The following HS3ST4 variants were observed in gnomAD, a reference collection of about 807,000 sequenced individuals.
HS3ST4 encodes the protein heparan sulfate glucosamine 3-O-sulfotransferase 4.
Under a neutral mutation model 29.2 loss-of-function variants are expected in HS3ST4, and 17 were observed. That is an observed-to-expected ratio of 0.58 (90% CI 0.40 to 0.87). The LOEUF (loss-of-function observed/expected upper bound fraction) is 0.87. Ranked by LOEUF, HS3ST4 falls within the 40% of genes least tolerant of loss-of-function variation. The pLI, the probability that HS3ST4 is intolerant of heterozygous loss-of-function variation, is 0.00. For missense variants in HS3ST4, 627 were observed against 634.5 expected (o/e 0.99, Z 0.13); for synonymous variants, 314 against 285.7 (o/e 1.10, Z -1.00).
chr16:25,962,742 T>C (rs904888544), intron 1 of HS3ST4, among the ~76,000 whole-genome samples: 2 of 152,150 alleles, frequency 1.3e-5, no homozygotes, highest in Admixed American at 6.5e-5. Context: ...TTACACACTT[T>C]ATTCTGTTCC....
At chr16:26,031,142 A>G (rs72778367) in intron 1 of HS3ST4, among the ~76,000 whole-genome samples, 6,771 of 152,272 alleles carry the variant, frequency 0.044, 168 homozygotes, top group Middle Eastern at 0.15. Context: ...GTCCAGCCAA[A>G]CCAGTCCCAT....
At chr16:25,961,315 G>A (rs1457871504) in intron 1 of HS3ST4, among the ~76,000 whole-genome samples, 1 of 152,162 alleles carries the variant, frequency 6.6e-6, no homozygotes, top group East Asian at 1.9e-4. Context: ...TCTTCCCCAG[G>A]CTAACCATGA....
chr16:25,831,828 G>A (rs1175342673), intron 1 of HS3ST4, among the ~76,000 whole-genome samples: 2 of 151,986 alleles, frequency 1.3e-5, no homozygotes, highest in Admixed American at 6.6e-5. Flanking sequence ...CACATAGGCT[G>A]GGCACAGTCA....
At chr16:25,717,465 A>AGTGGCATTT (rs1966461853) in intron 1 of HS3ST4, among the ~76,000 whole-genome samples, 1 of 151,242 alleles carries the variant, frequency 6.6e-6, no homozygotes, top group African/African-American at 2.4e-5. Flanking sequence ...CCTCTGAATA[A>AGTGGCATTT]GTGGCATTTG....
chr16:25,940,924 T>C (rs56099922), intron 1 of HS3ST4, among the ~76,000 whole-genome samples: 12,129 of 152,270 alleles, frequency 0.08, 525 homozygotes, highest in South Asian at 0.14. Context: ...GTTTTCTTTC[T>C]GTTTCTTGAG....
chr16:25,713,559 A>AACAT (rs1416217003), intron 1 of HS3ST4, among the ~76,000 whole-genome samples: 11 of 132,436 alleles, frequency 8.3e-5, no homozygotes, highest in African/African-American at 3.0e-4. Context: ...CAAACAAACA[A>AACAT]ACATCCTGTC....
intron 1 of HS3ST4, among the ~76,000 whole-genome samples, chr16:25,896,852 C>A (rs1341341011): frequency 6.6e-6 from 1 of 152,158 alleles, no homozygotes; most frequent in Non-Finnish European, 1.5e-5. Flanking sequence ...TTTGCAGCAA[C>A]AGGGATGCAG....
intron 1 of HS3ST4, among the ~76,000 whole-genome samples, chr16:26,120,681 A>G (rs13330555): frequency 0.03 from 4,565 of 152,294 alleles, 217 homozygotes; most frequent in African/African-American, 0.1. Context: ...GTGTTTTACA[A>G]GTTTCTGCAG....
chr16:25,865,068 A>G (rs568074481), intron 1 of HS3ST4, among the ~76,000 whole-genome samples: 19 of 152,080 alleles, frequency 1.2e-4, no homozygotes, highest in Non-Finnish European at 2.4e-4. Flanking sequence ...ACTTAGGCTG[A>G]TTTCATATCT....
intron 1 of HS3ST4, among the ~76,000 whole-genome samples, chr16:25,993,968 GTGTGTGTGTGT>G (rs1969136441): frequency 2.4e-4 from 25 of 102,634 alleles, no homozygotes; most frequent in Non-Finnish European, 7.0e-5. Context: ...GTGTGTGTGT[GTGTGTGTGTGT>G]GTGTGTGTGT....
chr16:26,042,537 G>A (rs1227418426), intron 1 of HS3ST4, among the ~76,000 whole-genome samples: 2 of 152,162 alleles, frequency 1.3e-5, no homozygotes, highest in Non-Finnish European at 2.9e-5. Context: ...TGTTGATGGC[G>A]TGGCGATTAC....
At chr16:25,803,996 A>G (rs769666050) in intron 1 of HS3ST4, among the ~76,000 whole-genome samples, 2 of 151,710 alleles carry the variant, frequency 1.3e-5, no homozygotes, top group Non-Finnish European at 2.9e-5. Flanking sequence ...GCCTCTGGGT[A>G]TAAATTCTGG....
At chr16:25,814,290 C>T (rs1206348830) in intron 1 of HS3ST4, among the ~76,000 whole-genome samples, 5 of 148,530 alleles carry the variant, frequency 3.4e-5, no homozygotes, top group Non-Finnish European at 5.9e-5. Context: ...ACTTGTGGGA[C>T]GGGCAGAAAT....
chr16:25,776,486 T>C (rs1248012914), intron 1 of HS3ST4, among the ~76,000 whole-genome samples: 2 of 152,226 alleles, frequency 1.3e-5, no homozygotes, highest in Non-Finnish European at 2.9e-5. Context: ...CATATGTTGA[T>C]TGATGTCTCA....
At chr16:25,938,833 A>G (rs779990064) in intron 1 of HS3ST4, among the ~76,000 whole-genome samples, 14 of 152,100 alleles carry the variant, frequency 9.2e-5, no homozygotes, top group Middle Eastern at 3.2e-3. Flanking sequence ...ATTTGTTTTA[A>G]TGGTGCTCTC....
chr16:25,902,171 A>G (rs1481998770), intron 1 of HS3ST4, among the ~76,000 whole-genome samples: 1 of 152,212 alleles, frequency 6.6e-6, no homozygotes, highest in East Asian at 1.9e-4. Flanking sequence ...GAGATATGAT[A>G]GGAAGAAAAC....
chr16:25,722,531 G>A (rs1966504747), intron 1 of HS3ST4, among the ~76,000 whole-genome samples: 2 of 152,146 alleles, frequency 1.3e-5, no homozygotes, highest in Non-Finnish European at 1.5e-5. Context: ...AGACAATACC[G>A]GGCCAGGGCA....
At chr16:26,004,045 G>A (rs1046320944) in intron 1 of HS3ST4, among the ~76,000 whole-genome samples, 1 of 152,078 alleles carries the variant, frequency 6.6e-6, no homozygotes, top group East Asian at 1.9e-4. Flanking sequence ...GTTTGTTCAT[G>A]TGTATTTCTA....
At chr16:25,964,747 A>G (rs1968827236) in intron 1 of HS3ST4, among the ~76,000 whole-genome samples, 2 of 152,152 alleles carry the variant, frequency 1.3e-5, no homozygotes, top group African/African-American at 4.8e-5. Flanking sequence ...CCAGAAGTAA[A>G]CATTTCCTCA....
Sources: gnomAD v4.1 joint callset for allele counts (sites outside exome capture counted in the v4.1 genomes callset) on GRCh38, gnomAD v4.1.1 for gene constraint, MANE v1.5 for transcripts, NCBI Gene and HGNC (gene_info 2026-07-23, HGNC 2026-07-21) for gene names.